The following RAD52 variants were observed in gnomAD, a reference collection of about 807,000 sequenced individuals.
The protein encoded by RAD52 is RAD52 DNA repair protein.
Under a neutral mutation model 55.5 loss-of-function variants are expected in RAD52, and 47 were observed. The observed-to-expected ratio is 0.85, with a 90% CI of 0.67 to 1.08. RAD52 has a LOEUF of 1.08. Among genes scored for constraint, RAD52 ranks in the 50% least tolerant of loss-of-function variants. RAD52 has a pLI of 0.00. For missense variants in RAD52, 468 were observed against 522.8 expected (o/e 0.90, Z 1.02); for synonymous variants, 184 against 198.9 (o/e 0.92, Z 0.63).
intron 1 of RAD52, among the ~76,000 whole-genome samples, chr12:965,958 A>C (rs967051995): frequency 2.0e-5 from 3 of 151,952 alleles, no homozygotes; most frequent in Non-Finnish European, 4.4e-5. Flanking sequence ...TGCTGGGATT[A>C]CAGGCATGAA....
At chr12:956,048 A>G (rs1175698141) in intron 1 of RAD52, among the ~76,000 whole-genome samples, 1 of 152,170 alleles carries the variant, frequency 6.6e-6, no homozygotes, top group African/African-American at 2.4e-5. Context: ...AGTTCATTGT[A>G]GCAATTTACT....
In RAD52 at chr12:912,161, C is replaced by A. The variant is rs960994638; in HGVS notation, c.*1230G>T. 5.1e-6 allele frequency: 1 copy of A among 197,052 alleles called. No homozygotes were observed. The highest frequency in any genetic ancestry group is 1.1e-5 in the Non-Finnish European group (1 of 95,004). 12.2% of individuals were successfully genotyped at this position (197,052 alleles called of 1,614,324 possible). A position where few individuals can be genotyped will look rare whatever the true frequency, so the allele number is the denominator to read the frequency against. Reference sequence around the variant, plus strand: ...TGAAATGGGGAAGTAGAAACAGTTGCGTTTGAGCATCCCTAATTGAAATGC... The same window carrying A: ...TGAAATGGGGAAGTAGAAACAGTTGAGTTTGAGCATCCCTAATTGAAATGC... On this transcript the variant is annotated 3_prime_UTR_variant, in exon 12 of 12. Transcript: ENST00000358495.
chr12:972,562 C>A (rs138542339), intron 1 of RAD52, among the ~76,000 whole-genome samples: 1 of 151,434 alleles, frequency 6.6e-6, no homozygotes, highest in Non-Finnish European at 1.5e-5. Context: ...GTCAGGAGAT[C>A]GAGACCATCC....
In RAD52 at chr12:916,670, C is replaced by T. The variant is rs772432593; in HGVS notation, c.694G>A (p.Val232Met). The change falls in exon 8 of 12, where the codon GTG (valine) becomes ATG (methionine). Residue 232 changes from valine to methionine, a missense_variant. Coordinates refer to ENST00000358495, the MANE Select transcript of RAD52 (RefSeq NM_134424.4). ...CTGCAGTCCTGGTCCGCCGGTATCA[C>T]AGCATGGCTGGGTCTGGAAGGGGAG... ...VTSPSRPSHAVIPADQDCSSR... is the reference protein window; with the variant it reads ...VTSPSRPSHAMIPADQDCSSR... 1.2e-5 allele frequency: 19 copies of T among 1,613,982 alleles called. No homozygotes were observed. In the Admixed American group the frequency reaches 3.2e-4, roughly 27 times the overall value.
intron 1 of RAD52, among the ~76,000 whole-genome samples, chr12:962,427 G>A (rs1182477319): frequency 6.8e-6 from 1 of 147,750 alleles, no homozygotes; most frequent in Non-Finnish European, 1.5e-5. Flanking sequence ...TGCAAGCTCC[G>A]CTCCCAGGTT....
chr12:962,316 G>A (rs1958697313), intron 1 of RAD52, among the ~76,000 whole-genome samples: 1 of 150,332 alleles, frequency 6.7e-6, no homozygotes, highest in Non-Finnish European at 1.5e-5. Context: ...GGAGTTAGAG[G>A]TGGCCCCATC....
intron 1 of RAD52, among the ~76,000 whole-genome samples, 198 bp from the exon 2 acceptor site, chr12:933,274 T>C (rs998231764): frequency 4.6e-5 from 7 of 152,012 alleles, no homozygotes; most frequent in Middle Eastern, 3.4e-3. Flanking sequence ...CTGGCTAACA[T>C]GGTGAAACCC....
intron 2 of RAD52, among the ~76,000 whole-genome samples, chr12:932,757 T>C (rs976762362): frequency 7.1e-6 from 1 of 141,354 alleles, no homozygotes; most frequent in African/African-American, 2.7e-5. Flanking sequence ...ACATGTACTA[T>C]GTAAACGTAC....
rs1425960736 is a variant in RAD52, at chr12:970,316, C to T, written c.-19+19493G>A. Among the ~76,000 whole-genome samples the T allele has an allele frequency of 7.7e-5, 2 of 25,886 alleles. 1 individual carries two copies. The highest frequency in any genetic ancestry group is 2.4e-3 in the South Asian group (2 of 820). 17.0% of individuals were successfully genotyped at this position (25,886 alleles called of 152,430 possible). A position where few individuals can be genotyped will look rare whatever the true frequency, so the allele number is the denominator to read the frequency against. Reference sequence around the variant, plus strand: ...CCTGGGCAACAGAACAAGACATCATCTCAAAAAAAAAAAAAAAAAAAAAAA... The same window carrying T: ...CCTGGGCAACAGAACAAGACATCATTTCAAAAAAAAAAAAAAAAAAAAAAA... On this transcript the variant is annotated intron_variant, in intron 1 of 11. Transcript: ENST00000430095.
intron 5 of RAD52, among the ~76,000 whole-genome samples, chr12:928,236 G>A (rs1198023120): frequency 6.6e-6 from 1 of 152,166 alleles, no homozygotes; most frequent in Non-Finnish European, 1.5e-5. Context: ...AGTAGGCCGG[G>A]TGCGGTGGCT....
chr12:933,880 G>T (rs1189530849), intron 1 of RAD52, among the ~76,000 whole-genome samples: 1 of 152,062 alleles, frequency 6.6e-6, no homozygotes, highest in Admixed American at 6.6e-5. Flanking sequence ...CTACCACCTT[G>T]GGAGGCCAAG....
At chr12:971,387 T>C (rs570614201) in intron 1 of RAD52, among the ~76,000 whole-genome samples, 2 of 152,096 alleles carry the variant, frequency 1.3e-5, no homozygotes, top group South Asian at 2.1e-4. Flanking sequence ...AGCTAATATA[T>C]AGGACTTAGA....
intron 5 of RAD52, among the ~76,000 whole-genome samples, chr12:928,530 GAAGT>G (rs1368097567): frequency 6.6e-6 from 1 of 151,118 alleles, no homozygotes; most frequent in Admixed American, 6.6e-5. Context: ...AAAAAAAAAA[GAAGT>G]AAGTAATATT....
intron 1 of RAD52, among the ~76,000 whole-genome samples, chr12:981,219 G>A (rs536935230): frequency 6.6e-6 from 1 of 151,846 alleles, no homozygotes; most frequent in Admixed American, 6.6e-5. Flanking sequence ...TGTAGTCCCA[G>A]CTACTTGGGA....
In RAD52 at chr12:916,475, C is replaced by T. The variant is rs371116597; in HGVS notation, c.734G>A (p.Ser245Asn). The change falls in exon 9 of 12, where the codon AGC becomes AAC. Residue 245 changes from serine to asparagine, a missense_variant. By Grantham distance (46) the Ser-to-Asn change is conservative. Transcript: ENST00000358495. ...GGCCTCGCTCTCCACGGCGGATGAG[C>T]TCAGGCTTCTGCATGAGAGGGCGGC... ...ADQDCSSRSLSSSAVESEATH... is the reference protein window; with the variant it reads ...ADQDCSSRSLNSSAVESEATH... The T allele has an allele frequency of 4.2e-5, 68 of 1,607,534 alleles. No individual in the cohort carries two copies. Among genetic ancestry groups the T allele is most frequent in the Non-Finnish European group, 1.3e-5 (15 of 1,179,558 alleles).
At chr12:929,966 C>T (rs1957241002) in intron 4 of RAD52, 80 bp from the exon 5 acceptor site, 6 of 1,569,846 alleles carry the variant, frequency 3.8e-6, no homozygotes, top group Non-Finnish European at 5.3e-6. Context: ...CAGCTGAGTC[C>T]ACCTACCTTA....
intron 1 of RAD52, among the ~76,000 whole-genome samples, chr12:971,772 C>T (rs6489774): frequency 0.38 from 57,912 of 151,334 alleles, 13,001 homozygotes; most frequent in East Asian, 0.71. Flanking sequence ...TTTTTTGAGA[C>T]GGAGTCTCGC....
intron 1 of RAD52, among the ~76,000 whole-genome samples, chr12:979,158 G>A (rs188106470): frequency 3.9e-4 from 60 of 152,206 alleles, no homozygotes; most frequent in Middle Eastern, 3.4e-3. Context: ...TAAATGATGC[G>A]GCCAGGCATG....
intron 1 of RAD52, among the ~76,000 whole-genome samples, chr12:977,942 T>C (rs1958955513): frequency 6.6e-6 from 1 of 152,166 alleles, no homozygotes. Flanking sequence ...GGACATCAGC[T>C]GTGAATGGGA....
Sources: gnomAD v4.1 joint callset for allele counts (sites outside exome capture counted in the v4.1 genomes callset) on GRCh38, gnomAD v4.1.1 for gene constraint, MANE v1.5 for transcripts, NCBI Gene and HGNC (gene_info 2026-07-23, HGNC 2026-07-21) for gene names.